The following RNLS variants were observed in gnomAD, a reference collection of about 807,000 sequenced individuals.
The protein encoded by RNLS is renalase, FAD dependent amine oxidase, also known as renalase.
In RNLS, 39 loss-of-function variants were observed where a neutral mutation model predicts 39.8. That is an observed-to-expected ratio of 0.98 (90% CI 0.76 to 1.28). RNLS has a LOEUF of 1.28. Ranked by LOEUF, RNLS falls within the 50% of genes most tolerant of loss-of-function variation. The pLI is 0.00. For synonymous variants in RNLS, 147 were observed against 150.7 expected (o/e 0.98, Z 0.18); for missense variants, 410 against 413.3 (o/e 0.99, Z 0.07).
chr10:88,254,264 C>T, the RNLS span, among the ~76,000 whole-genome samples: 4,148 of 152,300 alleles, frequency 0.027, 208 homozygotes, highest in African/African-American at 0.095. Context: ...AACTGTGACC[C>T]TGCCTCTACC....
intron 4 of RNLS, chr10:88,545,576 C>A: frequency 1.7e-5 from 7 of 417,750 alleles, no homozygotes; most frequent in South Asian, 1.2e-4. Flanking sequence ...ATTCAGTTAC[C>A]TCCCACTGGG....
At chr10:88,466,866 T>C (rs1480493496) in intron 4 of RNLS, among the ~76,000 whole-genome samples, 1 of 152,188 alleles carries the variant, frequency 6.6e-6, no homozygotes, top group Non-Finnish European at 1.5e-5. Flanking sequence ...CTTCATTCTT[T>C]TTAAAACCAC....
chr10:88,520,227 G>A (rs1846644927), intron 4 of RNLS, among the ~76,000 whole-genome samples: 1 of 151,948 alleles, frequency 6.6e-6, no homozygotes. Context: ...CCCTATAAGA[G>A]TCACAGGGTA....
At chr10:88,267,717 C>T in the RNLS span, among the ~76,000 whole-genome samples, 1 of 152,126 alleles carries the variant, frequency 6.6e-6, no homozygotes, top group South Asian at 2.1e-4. Flanking sequence ...TAAAGTCAGA[C>T]CTTCCCATTT....
intron 4 of RNLS, among the ~76,000 whole-genome samples, chr10:88,554,434 TATG>T (rs1848751528): frequency 6.6e-6 from 1 of 152,044 alleles, no homozygotes; most frequent in African/African-American, 2.4e-5. Flanking sequence ...AGTTTAAACT[TATG>T]ATCACTAATT....
the RNLS span, among the ~76,000 whole-genome samples, chr10:88,218,098 C>T: frequency 5.9e-5 from 9 of 152,156 alleles, no homozygotes; most frequent in Non-Finnish European, 8.8e-5. Flanking sequence ...GTTTCTTGCT[C>T]TGTGATTAGC....
At chr10:88,235,561 A>G in the RNLS span, among the ~76,000 whole-genome samples, 3 of 152,284 alleles carry the variant, frequency 2.0e-5, no homozygotes, top group South Asian at 2.1e-4. Context: ...CAACTTCAAG[A>G]TTAAGAATGT....
At chr10:88,208,836 C>T in the RNLS span, among the ~76,000 whole-genome samples, 1 of 152,100 alleles carries the variant, frequency 6.6e-6, no homozygotes, top group South Asian at 2.1e-4. Flanking sequence ...GAATGCTTCA[C>T]TTTCATTGTT....
At chr10:88,323,756 G>T (rs1846354005) in intron 5 of RNLS, among the ~76,000 whole-genome samples, 1 of 151,898 alleles carries the variant, frequency 6.6e-6, no homozygotes, top group Non-Finnish European at 1.5e-5. Flanking sequence ...AGACAAATGG[G>T]ATTTAATTAA....
intron 6 of RNLS, among the ~76,000 whole-genome samples, chr10:88,313,069 G>C (rs929525168): frequency 1.1e-4 from 17 of 152,124 alleles, no homozygotes; most frequent in African/African-American, 3.6e-4. Context: ...ATCATTGCTA[G>C]GGTTTGGAGG....
At chr10:88,340,645 C>G (rs1220848734) in intron 5 of RNLS, among the ~76,000 whole-genome samples, 1 of 151,806 alleles carries the variant, frequency 6.6e-6, no homozygotes, top group Admixed American at 6.6e-5. Context: ...TATATATACT[C>G]CAGAAATTTG....
chr10:88,212,556 G>A, the RNLS span, among the ~76,000 whole-genome samples: 11 of 152,162 alleles, frequency 7.2e-5, no homozygotes, highest in Admixed American at 1.3e-4. Context: ...CTGTTATGCC[G>A]TAGGCACTAT....
chr10:88,385,132 C>A (rs575933023), intron 4 of RNLS, among the ~76,000 whole-genome samples: 5 of 152,310 alleles, frequency 3.3e-5, no homozygotes, highest in African/African-American at 1.2e-4. Context: ...TAGCTCATTT[C>A]CTTGGATTAG....
chr10:88,505,477 AAGAG>A (rs545850363), intron 4 of RNLS, among the ~76,000 whole-genome samples: 4 of 151,798 alleles, frequency 2.6e-5, no homozygotes, highest in South Asian at 4.2e-4. Flanking sequence ...GAGAGACAGA[AAGAG>A]AGAGAGGAGG....
At chr10:88,269,312 GA>G (rs1407492241), downstream of RNLS, among the ~76,000 whole-genome samples, 6 of 152,192 alleles carry the variant, frequency 3.9e-5, no homozygotes, top group African/African-American at 1.4e-4. Context: ...TTTACAATGA[GA>G]TTCCTGAGAA....
chr10:88,355,917 A>C (rs1440898215), intron 5 of RNLS, among the ~76,000 whole-genome samples: 1 of 152,016 alleles, frequency 6.6e-6, no homozygotes, highest in Admixed American at 6.5e-5. Flanking sequence ...AATGGTGGGC[A>C]CCCCTCCCCC....
intron 6 of RNLS, among the ~76,000 whole-genome samples, chr10:88,292,304 C>T (rs756992642): frequency 2.0e-5 from 3 of 151,116 alleles, no homozygotes; most frequent in Non-Finnish European, 2.9e-5. Flanking sequence ...TGTGGTTTCA[C>T]CATCTGGACT....
At chr10:88,364,102 G>A (rs568735206) in intron 4 of RNLS, among the ~76,000 whole-genome samples, 1 of 152,174 alleles carries the variant, frequency 6.6e-6, no homozygotes, top group East Asian at 1.9e-4. Flanking sequence ...AGGTCTCAGG[G>A]AGCTGCTTGT....
At chr10:88,256,804 GTTAT>G in the RNLS span, among the ~76,000 whole-genome samples, 1 of 152,122 alleles carries the variant, frequency 6.6e-6, no homozygotes, top group African/African-American at 2.4e-5. Context: ...TTCATGATCA[GTTAT>G]TCAAACGTCA....
Sources: gnomAD v4.1 joint callset for allele counts (sites outside exome capture counted in the v4.1 genomes callset) on GRCh38, gnomAD v4.1.1 for gene constraint, MANE v1.5 for transcripts, NCBI Gene and HGNC (gene_info 2026-07-23, HGNC 2026-07-21) for gene names.